SHISA9: variants seen among roughly 807,000 people sequenced by gnomAD.
SHISA9 encodes shisa family member 9, also known as protein shisa-9.
Under a neutral mutation model 38.0 loss-of-function variants are expected in SHISA9, and 13 were observed. The observed-to-expected ratio is 0.34, with a 90% confidence interval of 0.22 to 0.54. SHISA9 has a LOEUF of 0.54. Among genes scored for constraint, SHISA9 ranks in the 20% least tolerant of loss-of-function variants. The pLI is 0.91. For missense variants in SHISA9, 538 were observed against 575.8 expected (o/e 0.93, Z 0.67); for synonymous variants, 275 against 242.0 (o/e 1.14, Z -1.27).
the SHISA9 span, among the ~76,000 whole-genome samples, chr16:13,444,439 GGGAGGAAACAAGGAAGGAAGGAAGGA>G: frequency 2.7e-5 from 4 of 150,520 alleles, no homozygotes; most frequent in East Asian, 5.9e-4. Flanking sequence ...AAGGAAGGAA[GGGAGGAAACAAGGAAGGAAGGAAGGA>G]AGGAAAGAAG....
At chr16:12,983,538 GAGTGC>G (rs1339767775) in intron 2 of SHISA9, among the ~76,000 whole-genome samples, 1 of 152,136 alleles carries the variant, frequency 6.6e-6, no homozygotes, top group East Asian at 1.9e-4. Flanking sequence ...ACCCAGGCTG[GAGTGC>G]AGTGGCACAA....
chr16:13,212,844 G>A (rs747208980), intron 3 of SHISA9, among the ~76,000 whole-genome samples: 2 of 152,182 alleles, frequency 1.3e-5, no homozygotes, highest in African/African-American at 4.8e-5. Context: ...AGTGGAACAC[G>A]ATCAAAGTCT....
At chr16:13,279,513 A>G in the SHISA9 span, among the ~76,000 whole-genome samples, 1 of 151,960 alleles carries the variant, frequency 6.6e-6, no homozygotes, top group African/African-American at 2.4e-5. Flanking sequence ...TTGTAGTCAT[A>G]AACTAGTCTC....
the SHISA9 span, among the ~76,000 whole-genome samples, chr16:13,518,182 T>C: frequency 2.0e-5 from 3 of 151,906 alleles, no homozygotes; most frequent in Non-Finnish European, 4.4e-5. Context: ...CACACTACCA[T>C]AGATCACTTT....
At chr16:13,381,943 A>C in the SHISA9 span, among the ~76,000 whole-genome samples, 3 of 152,214 alleles carry the variant, frequency 2.0e-5, no homozygotes, top group Non-Finnish European at 4.4e-5. Context: ...GTTCCCAGAC[A>C]CAAATGCAAG....
intron 4 of SHISA9, among the ~76,000 whole-genome samples, chr16:13,225,696 C>A (rs2051272108): frequency 6.6e-6 from 1 of 152,164 alleles, no homozygotes; most frequent in African/African-American, 2.4e-5. Context: ...AGGCTGCCTG[C>A]TGAGACCCTC....
At chr16:12,974,071 T>G (rs2072121835) in intron 2 of SHISA9, among the ~76,000 whole-genome samples, 2 of 152,112 alleles carry the variant, frequency 1.3e-5, no homozygotes, top group South Asian at 4.1e-4. Context: ...TCTTTGGTGG[T>G]AAGCCAAAGA....
chr16:12,906,774 T>C (rs923538710), intron 1 of SHISA9, among the ~76,000 whole-genome samples: 1 of 152,196 alleles, frequency 6.6e-6, no homozygotes, highest in African/African-American at 2.4e-5. Context: ...CACTATTGAC[T>C]GGAGAATCCT....
At chr16:13,184,425 T>G (rs182270454) in intron 2 of SHISA9, among the ~76,000 whole-genome samples, 10 of 152,328 alleles carry the variant, frequency 6.6e-5, no homozygotes, top group African/African-American at 2.2e-4. Context: ...ACTCTACGTT[T>G]CTAAGTAGGG....
chr16:12,915,224 G>A (rs1158354915), intron 1 of SHISA9, among the ~76,000 whole-genome samples: 1 of 152,214 alleles, frequency 6.6e-6, no homozygotes, highest in Non-Finnish European at 1.5e-5. Context: ...ACTTTGAGAG[G>A]TGGAGGTGGG....
At chr16:13,057,129 C>T (rs2073320255) in intron 2 of SHISA9, among the ~76,000 whole-genome samples, 1 of 152,214 alleles carries the variant, frequency 6.6e-6, no homozygotes, top group Non-Finnish European at 1.5e-5. Context: ...ATGTAATGCC[C>T]TTCCTGCCTG....
chr16:12,902,490 G>C lies in SHISA9; in HGVS notation c.426G>C (p.Leu142Phe). The change falls in exon 1 of 5, where the codon TTG becomes TTC. Residue 142 changes from leucine to phenylalanine, a missense_variant. Coordinates refer to ENST00000558583, the MANE Select transcript of SHISA9 (RefSeq NM_001145204.3). ...GKPPARKDDP[L>F]HDPTKDKTNL... ...CCCCCGCCCGCAAGGACGACCCCTT[G>C]CACGACCCCACCAAGGACAAGACCA... 1 of 1,551,512 alleles carries C rather than the reference G, an allele frequency of 6.4e-7. No individual in the cohort carries two copies. Among genetic ancestry groups the C allele is most frequent in the South Asian group, 1.2e-5 (1 of 84,052 alleles).
At chr16:13,404,782 T>C in the SHISA9 span, among the ~76,000 whole-genome samples, 1 of 152,356 alleles carries the variant, frequency 6.6e-6, no homozygotes, top group Non-Finnish European at 1.5e-5. Context: ...TAAAGCCTTT[T>C]TCTGTTATAA....
At chr16:12,981,120 G>A (rs987526200) in intron 2 of SHISA9, among the ~76,000 whole-genome samples, 3 of 152,156 alleles carry the variant, frequency 2.0e-5, no homozygotes, top group Non-Finnish European at 2.9e-5. Context: ...CTTTACCCTG[G>A]AGGTATTGGG....
the SHISA9 span, among the ~76,000 whole-genome samples, chr16:13,378,627 C>A: frequency 6.6e-6 from 1 of 152,148 alleles, no homozygotes. Context: ...ATATGAGGTT[C>A]TCTATAGATT....
rs148745656 is a variant in SHISA9, at chr16:13,051,941, T to A, written c.691+135126T>A. Among the ~76,000 whole-genome samples the A allele has an allele frequency of 3.7e-3, 569 of 152,238 alleles. 6 individuals carry two copies. The highest frequency in any genetic ancestry group is 0.013 in the African/African-American group (531 of 41,546). ...CACCACACTCTTCTAATTTTTGTAT[T>A]TTTAGTAGAGATGGGGTTTCACCAT... is the stretch of plus-strand genomic sequence containing the variant. On this transcript the variant is annotated intron_variant, in intron 2 of 4. Transcript: ENST00000558583.
intron 2 of SHISA9, among the ~76,000 whole-genome samples, chr16:12,983,072 A>G (rs2072261752): frequency 6.6e-6 from 1 of 152,190 alleles, no homozygotes; most frequent in African/African-American, 2.4e-5. Context: ...CAAATCTCCC[A>G]TGTGGTGTTT....
At chr16:13,507,533 T>C in the SHISA9 span, among the ~76,000 whole-genome samples, 1 of 152,168 alleles carries the variant, frequency 6.6e-6, no homozygotes, top group Admixed American at 6.5e-5. Context: ...TTGGGAGGTC[T>C]GAAAGGCCCA....
intron 2 of SHISA9, among the ~76,000 whole-genome samples, chr16:13,015,894 CTT>C (rs1234562758): frequency 0.011 from 1,367 of 126,288 alleles, 15 homozygotes; most frequent in Admixed American, 0.014. Context: ...TTCTTTCTTT[CTT>C]TCTTTCTTTC....
Sources: gnomAD v4.1 joint callset for allele counts (sites outside exome capture counted in the v4.1 genomes callset) on GRCh38, gnomAD v4.1.1 for gene constraint, MANE v1.5 for transcripts, NCBI Gene and HGNC (gene_info 2026-07-23, HGNC 2026-07-21) for gene names.